The following SCHIP1 variants were observed in gnomAD, a reference collection of about 807,000 sequenced individuals.
SCHIP1 encodes the protein schwannomin-interacting protein 1.
SCHIP1 carries 8 observed loss-of-function variants against 29.7 expected under a neutral mutation model. The ratio of observed to expected loss-of-function variants is 0.27; its 90% CI spans 0.16 to 0.49. The LOEUF is 0.49. Ranked by LOEUF, SCHIP1 falls within the 20% of genes least tolerant of loss-of-function variation. The pLI is 0.99. For synonymous variants in SCHIP1, 76 were observed against 94.9 expected (o/e 0.80, Z 1.16); for missense variants, 193 against 294.6 (o/e 0.66, Z 2.52).
chr3:159,444,771 C>G, the SCHIP1 span, among the ~76,000 whole-genome samples: 1 of 152,152 alleles, frequency 6.6e-6, no homozygotes, highest in Non-Finnish European at 1.5e-5. Flanking sequence ...GAAGGCAGTA[C>G]TTGGCTTTCA....
chr3:159,589,282 G>C, the SCHIP1 span, among the ~76,000 whole-genome samples: 1 of 152,176 alleles, frequency 6.6e-6, no homozygotes, highest in Non-Finnish European at 1.5e-5. Flanking sequence ...TGGTGGATAA[G>C]AACGCTTGTG....
chr3:159,398,191 C>T, the SCHIP1 span, among the ~76,000 whole-genome samples: 21 of 152,260 alleles, frequency 1.4e-4, no homozygotes, highest in East Asian at 2.9e-3. Flanking sequence ...AGCTCACACA[C>T]GGTGCGCACA....
chr3:159,630,056 A>G, the SCHIP1 span, among the ~76,000 whole-genome samples: 1 of 152,218 alleles, frequency 6.6e-6, no homozygotes, highest in Non-Finnish European at 1.5e-5. Context: ...TGGCAGCCAA[A>G]GAGAATGTAC....
the SCHIP1 span, among the ~76,000 whole-genome samples, chr3:159,366,943 G>A: frequency 2.0e-5 from 3 of 152,118 alleles, no homozygotes; most frequent in Non-Finnish European, 2.9e-5. Flanking sequence ...CAATGCCCCT[G>A]GAAACTAGAA....
the SCHIP1 span, among the ~76,000 whole-genome samples, chr3:159,314,492 C>A: frequency 9.9e-5 from 15 of 152,212 alleles, no homozygotes; most frequent in African/African-American, 2.9e-4. Flanking sequence ...TGAGAGGAAG[C>A]ATGCTCTTGT....
chr3:159,781,465 C>T, the SCHIP1 span, among the ~76,000 whole-genome samples: 4 of 152,136 alleles, frequency 2.6e-5, no homozygotes, highest in East Asian at 3.8e-4. Context: ...TGTGAGCCAC[C>T]ATGCCCAGCC....
chr3:159,339,189 C>T, the SCHIP1 span, among the ~76,000 whole-genome samples: 1 of 150,748 alleles, frequency 6.6e-6, no homozygotes. Context: ...CTTTCAGAAA[C>T]TACAAAGGCC....
At chr3:159,845,101 T>G (rs1283884071) in intron 1 of SCHIP1, among the ~76,000 whole-genome samples, 1 of 152,210 alleles carries the variant, frequency 6.6e-6, no homozygotes, top group Non-Finnish European at 1.5e-5. Context: ...GCAGAAATGC[T>G]TCTCGCTCCA....
At chr3:159,581,217 AAAT>A in the SCHIP1 span, among the ~76,000 whole-genome samples, 2 of 152,188 alleles carry the variant, frequency 1.3e-5, no homozygotes, top group African/African-American at 4.8e-5. Flanking sequence ...AAAACAGAGA[AAAT>A]AAGGCAAAAT....
chr3:159,571,205 G>C, the SCHIP1 span, among the ~76,000 whole-genome samples: 1 of 152,128 alleles, frequency 6.6e-6, no homozygotes, highest in African/African-American at 2.4e-5. Context: ...GGGCATCCTT[G>C]TCTTGTTCCG....
the SCHIP1 span, among the ~76,000 whole-genome samples, chr3:159,315,482 C>A: frequency 6.6e-6 from 1 of 150,908 alleles, no homozygotes; most frequent in African/African-American, 2.4e-5. Flanking sequence ...CCCACCTCAG[C>A]CTCCCAAAGT....
the SCHIP1 span, among the ~76,000 whole-genome samples, chr3:159,788,840 A>T: frequency 1.3e-5 from 2 of 152,182 alleles, no homozygotes; most frequent in South Asian, 4.1e-4. Context: ...TAATATATAT[A>T]TAATTCACCT....
the SCHIP1 span, among the ~76,000 whole-genome samples, chr3:159,832,137 C>A: frequency 6.6e-6 from 1 of 152,070 alleles, no homozygotes; most frequent in Non-Finnish European, 1.5e-5. Flanking sequence ...ACATCCTTGC[C>A]CTAGGGGTTT....
the SCHIP1 span, among the ~76,000 whole-genome samples, chr3:159,278,921 C>T: frequency 6.6e-6 from 1 of 152,088 alleles, no homozygotes; most frequent in Admixed American, 6.5e-5. Flanking sequence ...ATGGTGGGAG[C>T]TATGCCATCT....
the SCHIP1 span, among the ~76,000 whole-genome samples, chr3:159,534,463 G>A: frequency 6.6e-6 from 1 of 152,170 alleles, no homozygotes; most frequent in African/African-American, 2.4e-5. Flanking sequence ...GGTAGTGGCA[G>A]GAGGTGGAGC....
At chr3:159,718,483 C>G in the SCHIP1 span, among the ~76,000 whole-genome samples, 1 of 152,122 alleles carries the variant, frequency 6.6e-6, no homozygotes, top group Non-Finnish European at 1.5e-5. Flanking sequence ...TTAGAAAACC[C>G]CATCGTCTCA....
the SCHIP1 span, among the ~76,000 whole-genome samples, chr3:159,470,822 T>C: frequency 2.6e-5 from 4 of 152,092 alleles, no homozygotes; most frequent in African/African-American, 9.7e-5. Context: ...TATTGATATA[T>C]ATATATATAA....
chr3:159,434,306 A>G, the SCHIP1 span, among the ~76,000 whole-genome samples: 1 of 152,122 alleles, frequency 6.6e-6, no homozygotes, highest in Admixed American at 6.6e-5. Flanking sequence ...TGAGAGAGAG[A>G]GGAGGAAGGC....
the SCHIP1 span, among the ~76,000 whole-genome samples, chr3:159,339,538 A>C: frequency 6.6e-6 from 1 of 152,132 alleles, no homozygotes; most frequent in Admixed American, 6.6e-5. Context: ...TTTCTACCAA[A>C]CTTCTTGAAA....
Sources: allele counts gnomAD v4.1 joint callset (sites outside exome capture counted in the v4.1 genomes callset), GRCh38; gene constraint gnomAD v4.1.1; transcripts MANE v1.5; gene names NCBI Gene and HGNC (gene_info 2026-07-23, HGNC 2026-07-21).